Variants in ITLN2 observed in about 807,000 individuals in gnomAD.
ITLN2 encodes the protein intelectin 2, also known as intelectin-2.
ITLN2 carries 29 observed loss-of-function variants against 39.4 expected under a neutral mutation model. The observed-to-expected ratio is 0.74, with a 90% CI of 0.55 to 1.00. The LOEUF (loss-of-function observed/expected upper bound fraction) is 1.00, where lower values mean the gene tolerates loss of function less well. ITLN2 is among the 50% of genes least tolerant of loss of function. ITLN2 has a pLI of 0.00. For synonymous variants in ITLN2, 156 were observed against 153.4 expected, an observed-to-expected ratio of 1.02 and a Z score of -0.12; for missense variants, 412 against 416.7, an observed-to-expected ratio of 0.99 and a Z score of 0.10.
rs752274258 is a variant in ITLN2, at chr1:160,952,733, G to A, written c.80C>T (p.Ala27Val). The A allele has an allele frequency of 1.9e-5, 30 of 1,609,578 alleles. No individual in the cohort carries two copies. The highest frequency in any genetic ancestry group is 2.7e-5 in the African/African-American group (2 of 74,838). Reference sequence around the variant, plus strand: ...GAGCATCTCAAGAGAAGAGGCTGCTGCTAGAAAATGTGAGAATGAGTCTCA... The same window carrying A: ...GAGCATCTCAAGAGAAGAGGCTGCTACTAGAAAATGTGAGAATGAGTCTCA... ...FSVATSGCSA[A>V]AASSLEMLSR... Residue 27 changes from alanine (A) to valine (V), a missense_variant and splice_region_variant, in exon 3 of 8, where the codon GCA becomes GTA. Ala to Val is a moderately conservative substitution (Grantham distance 64, BLOSUM62 0). Transcript: ENST00000368029.
At chr1:160,946,526 A>G (rs2101935932) in intron 7 of ITLN2, among the ~76,000 whole-genome samples, 1 of 151,962 alleles carries the variant, frequency 6.6e-6, no homozygotes, top group Admixed American at 6.5e-5. Context: ...CCTGGCTAAC[A>G]TAGTGAAACC....
At chr1:160,947,246 A>G (rs1008962399) in intron 7 of ITLN2, among the ~76,000 whole-genome samples, 1 of 152,200 alleles carries the variant, frequency 6.6e-6, no homozygotes, top group South Asian at 2.1e-4. Flanking sequence ...GTTTCTCTTT[A>G]CCCAAACATC....
rs145406062 is a variant in ITLN2, at chr1:160,952,705, C to G, written c.108G>C (p.Ser36=). The change falls in exon 3 of 8, where the codon TCG becomes TCC. Residue 36 remains serine, a synonymous_variant. Coordinates refer to ENST00000368029, the MANE Select transcript of ITLN2 (RefSeq NM_080878.3). Reference sequence around the variant, plus strand: ...AGAAGGCACAGGTTTCGAATTCCCTCGAGAGCATCTCAAGAGAAGAGGCTG... The same window carrying G: ...AGAAGGCACAGGTTTCGAATTCCCTGGAGAGCATCTCAAGAGAAGAGGCTG... ...AAAASSLEML[S]REFETCAFSF... 1 of 1,613,940 alleles carries G rather than the reference C, an allele frequency of 6.2e-7. No individual in the cohort carries two copies.
intron 2 of ITLN2, 109 bp from the exon 3 acceptor site, chr1:160,952,842 A>T: frequency 1.3e-6 from 1 of 766,546 alleles, no homozygotes; most frequent in Non-Finnish European, 2.2e-6. Flanking sequence ...AAGTCCCAGG[A>T]GGTCAGGGAT....
intron 7 of ITLN2, among the ~76,000 whole-genome samples, chr1:160,945,975 C>A (rs1671591470): frequency 6.6e-6 from 1 of 152,206 alleles, no homozygotes; most frequent in Non-Finnish European, 1.5e-5. Flanking sequence ...AAGTACTAAC[C>A]ATAAATGAAA....
chr1:160,952,666 C>T lies in ITLN2; in HGVS notation c.147G>A (p.Leu49=), dbSNP rs369670836. 7 of 1,613,974 alleles carry T rather than the reference C, an allele frequency of 4.3e-6. No individual in the cohort carries two copies. In the African/African-American group the frequency reaches 8.0e-5, roughly 18 times the overall value. ...CCTTGATTTCTTTGCAGCTTCTAGG[C>T]AGGGAAGAAAAGGAGAAGGCACAGG... The part of the protein sequence containing the change: ...FETCAFSFSS[L]PRSCKEIKER... The change falls in exon 3 of 8, where the codon CTG becomes CTA. Residue 49 remains leucine (L), a synonymous_variant. Transcript: ENST00000368029.
intron 7 of ITLN2, among the ~76,000 whole-genome samples, chr1:160,945,751 T>A (rs1385308898): frequency 6.6e-6 from 1 of 152,148 alleles, no homozygotes; most frequent in Non-Finnish European, 1.5e-5. Context: ...CCTAAGTGAA[T>A]GCCCTTGTTC....
chr1:160,950,951 AT>A (rs1393820679), intron 4 of ITLN2, 91 bp downstream of exon 4: 1 of 1,604,972 alleles, frequency 6.2e-7, no homozygotes, highest in African/African-American at 1.3e-5. Flanking sequence ...CCTTCCCCAT[AT>A]CCCCACCTTC....
At chr1:160,951,923 A>T (rs1199060784) in intron 3 of ITLN2, among the ~76,000 whole-genome samples, 1 of 152,268 alleles carries the variant, frequency 6.6e-6, no homozygotes, top group South Asian at 2.1e-4. Flanking sequence ...TAACTGTGTC[A>T]TCATCTCCTG....
chr1:160,950,791 G>A, intron 4 of ITLN2, 80 bp from the exon 5 acceptor site: 26 of 1,549,080 alleles, frequency 1.7e-5, no homozygotes, highest in Non-Finnish European at 2.3e-5. Context: ...GCCTCAGCTG[G>A]GCTGAGAGCT....
chr1:160,951,459 A>G (rs1336309156), intron 3 of ITLN2, 169 bp from the exon 4 acceptor site: 3 of 808,460 alleles, frequency 3.7e-6, no homozygotes, highest in Non-Finnish European at 5.6e-6. Flanking sequence ...CTATGAGCAG[A>G]GGCACTGACT....
intron 4 of ITLN2, 24 bp from the exon 5 acceptor site, chr1:160,950,735 C>G (rs1053432411): frequency 6.2e-7 from 1 of 1,602,496 alleles, no homozygotes; most frequent in Admixed American, 1.7e-5. Context: ...GACACTGAGC[C>G]TGACTGGGCC....
chr1:160,945,219 C>A lies in ITLN2; in HGVS notation c.899G>T (p.Trp300Leu). Residue 300 changes from tryptophan to leucine, a missense_variant, in exon 8 of 8, where the codon TGG becomes TTG. Transcript: ENST00000368029. ...CTTAACGTGAGTTCCATATCCATCC[C>A]AGTCAAAGGCGGAGAAGTCCCCACA... Reference protein sequence around the residue: ...RQCGDFSAFDWDGYGTHVKSS... With the variant: ...RQCGDFSAFDLDGYGTHVKSS... The A allele has an allele frequency of 3.7e-6, 6 of 1,608,020 alleles. No individual in the cohort carries two copies. Among genetic ancestry groups the A allele is most frequent in the Non-Finnish European group, 5.1e-6 (6 of 1,178,472 alleles).
rs779700782 is a variant in ITLN2 at position 160,950,556 on chromosome 1, G to C, written c.597C>G (p.Tyr199Ter). 43 of 1,613,640 alleles carry C rather than the reference G, an allele frequency of 2.7e-5. No individual in the cohort carries two copies. Among genetic ancestry groups the C allele is most frequent in the Non-Finnish European group, 2.6e-5 (31 of 1,179,770 alleles). ...CCCAGCCAGCAGCCCTGTGTACCTG[G>C]TAGATGCCAAACAGATTATGTCCCA... Reference protein sequence around the residue: ...QRLGHNLFGIYQKYPVKYRSG... With the variant: ...QRLGHNLFGI The change falls in exon 5 of 8, where the codon TAC (tyrosine) becomes TAG (stop). Residue 199 changes from tyrosine (Y) to a stop codon, truncating the protein, a stop_gained. Coordinates refer to ENST00000368029, the MANE Select transcript of ITLN2 (RefSeq NM_080878.3). LOFTEE classifies it high-confidence loss of function.
chr1:160,946,300 A>C (rs999434363), intron 7 of ITLN2, among the ~76,000 whole-genome samples: 10 of 152,006 alleles, frequency 6.6e-5, no homozygotes, highest in African/African-American at 2.2e-4. Context: ...AACAAGAGTG[A>C]AACTCCCTCT....
At chr1:160,947,113 G>A (rs988002268) in intron 7 of ITLN2, among the ~76,000 whole-genome samples, 4 of 152,210 alleles carry the variant, frequency 2.6e-5, no homozygotes, top group African/African-American at 7.2e-5. Flanking sequence ...TTAGTGAGGG[G>A]AGTGTAGCAG....
intron 2 of ITLN2, 121 bp downstream of exon 2, chr1:160,954,266 T>C: frequency 1.3e-6 from 1 of 762,918 alleles, no homozygotes; most frequent in Non-Finnish European, 2.1e-6. Context: ...GTTCCCTGCC[T>C]CTCCAGAACT....
rs377456446 is a variant in ITLN2, at chr1:160,951,125, G to C, written c.359C>G (p.Ala120Gly). ...DRWSSQQGNK[A>G]DYPEGDGNWA... ...GTTGCCATCCCCCTCTGGGTAGTCTGCTTTGTTGCCCTGCTGACTGGACCA... is the reference window on the plus strand; with the variant it reads ...GTTGCCATCCCCCTCTGGGTAGTCTCCTTTGTTGCCCTGCTGACTGGACCA... Residue 120 changes from alanine (A) to glycine (G), a missense_variant, in exon 4 of 8, where the codon GCA becomes GGA. Coordinates refer to ENST00000368029, the MANE Select transcript of ITLN2 (RefSeq NM_080878.3). 8.7e-6 allele frequency: 14 copies of C among 1,614,166 alleles called. No homozygotes were observed. Among genetic ancestry groups the C allele is most frequent in the Non-Finnish European group, 1.1e-5 (13 of 1,180,032 alleles).
chr1:160,949,860 A>G, intron 6 of ITLN2, 186 bp downstream of exon 6: 1 of 576,546 alleles, frequency 1.7e-6, no homozygotes, highest in Non-Finnish European at 3.0e-6. Context: ...GGATAACAGC[A>G]ATTCTAACTT....
Sources: allele counts gnomAD v4.1 joint callset (sites outside exome capture counted in the v4.1 genomes callset), GRCh38; gene constraint gnomAD v4.1.1; transcripts MANE v1.5; gene names NCBI Gene and HGNC (gene_info 2026-07-23, HGNC 2026-07-21).